ZMYM4: variants seen among roughly 807,000 people sequenced by gnomAD.
The protein encoded by ZMYM4 is zinc finger MYM-type containing 4.
In ZMYM4, 31 loss-of-function variants were observed where a neutral mutation model predicts 183.2. The ratio of observed to expected loss-of-function variants is 0.17; its 90% CI spans 0.13 to 0.23. ZMYM4 has a LOEUF of 0.23. Ranked by LOEUF, ZMYM4 falls within the 10% of genes least tolerant of loss-of-function variation. The pLI is 1.00. For synonymous variants in ZMYM4, 592 were observed against 631.2 expected (o/e 0.94, Z 0.93); for missense variants, 1,273 against 1,840.3 (o/e 0.69, Z 5.64).
At chr1:35,319,531 G>A (rs1469445113) in intron 1 of ZMYM4, among the ~76,000 whole-genome samples, 1 of 152,104 alleles carries the variant, frequency 6.6e-6, no homozygotes, top group African/African-American at 2.4e-5. Context: ...GTTGAGGTGG[G>A]AGGATCCCTT....
intron 2 of ZMYM4, among the ~76,000 whole-genome samples, chr1:35,331,742 G>A (rs12039387): frequency 0.033 from 4,920 of 151,332 alleles, 254 homozygotes; most frequent in East Asian, 0.25. Flanking sequence ...AGCCAAGATC[G>A]TGCCACCATA....
At chr1:35,370,170 A>G (rs990615423) in intron 6 of ZMYM4, 57 bp downstream of exon 6, 1 of 1,582,108 alleles carries the variant, frequency 6.3e-7, no homozygotes, top group Admixed American at 1.7e-5. Flanking sequence ...ATGAATGAGA[A>G]GAAATTCTGC....
At chr1:35,370,004 T>G in intron 5 of ZMYM4, 25 bp from the exon 6 acceptor site, 1 of 1,534,930 alleles carries the variant, frequency 6.5e-7, no homozygotes, top group Non-Finnish European at 9.0e-7. Context: ...CTCTATGTAT[T>G]TATTTATTTT....
chr1:35,400,530 A>T (rs1644889643), intron 23 of ZMYM4, among the ~76,000 whole-genome samples: 1 of 152,104 alleles, frequency 6.6e-6, no homozygotes, highest in African/African-American at 2.4e-5. Flanking sequence ...TAGTATAGTA[A>T]AATAGTGAAG....
intron 1 of ZMYM4, among the ~76,000 whole-genome samples, chr1:35,300,174 T>G (rs1429727355): frequency 1.3e-5 from 2 of 152,164 alleles, no homozygotes; most frequent in Admixed American, 6.5e-5. Context: ...AGCCCTTCTG[T>G]TACTTAGGTG....
chr1:35,299,162 C>T (rs1641158044), intron 1 of ZMYM4, among the ~76,000 whole-genome samples: 1 of 151,904 alleles, frequency 6.6e-6, no homozygotes, highest in African/African-American at 2.4e-5. Flanking sequence ...ACCACCACAC[C>T]TGGTGTAGTT....
intron 2 of ZMYM4, among the ~76,000 whole-genome samples, chr1:35,346,969 C>T (rs1027104491): frequency 2.0e-5 from 3 of 152,046 alleles, no homozygotes; most frequent in Non-Finnish European, 4.4e-5. Context: ...CAGAAATAGG[C>T]CCTGGATAAA....
intron 2 of ZMYM4, among the ~76,000 whole-genome samples, chr1:35,337,368 A>G (rs1643018758): frequency 6.6e-6 from 1 of 152,100 alleles, no homozygotes; most frequent in Non-Finnish European, 1.5e-5. Context: ...ACTCATATAT[A>G]TATGTATATA....
At chr1:35,403,412 A>G (rs537506195) in intron 23 of ZMYM4, among the ~76,000 whole-genome samples, 11 of 152,164 alleles carry the variant, frequency 7.2e-5, no homozygotes, top group Admixed American at 6.5e-5. Flanking sequence ...CAGCCTTCCA[A>G]GTAGCTGGGA....
intron 29 of ZMYM4, among the ~76,000 whole-genome samples, chr1:35,418,886 T>G (rs1640226143): frequency 6.6e-6 from 1 of 152,230 alleles, no homozygotes; most frequent in East Asian, 1.9e-4. Context: ...AGAAATTTTG[T>G]TTTGCTAAAG....
At chr1:35,301,420 C>T (rs761514084) in intron 1 of ZMYM4, among the ~76,000 whole-genome samples, 78 of 151,970 alleles carry the variant, frequency 5.1e-4, no homozygotes, top group Non-Finnish European at 9.9e-4. Flanking sequence ...GTGGCAGGTG[C>T]CTGTAGTCCC....
chr1:35,342,996 G>A (rs1410046680), intron 2 of ZMYM4, among the ~76,000 whole-genome samples: 3 of 152,044 alleles, frequency 2.0e-5, no homozygotes, highest in African/African-American at 7.2e-5. Flanking sequence ...GATTCTTCAT[G>A]TATACTAGTT....
In ZMYM4 at chr1:35,399,523, C is replaced by T. The variant is rs760077258; in HGVS notation, c.3475C>T (p.Arg1159Cys). Residue 1159 changes from arginine (R) to cysteine (C), a missense_variant, in exon 23 of 30, where the codon CGT becomes TGT. Transcript: ENST00000314607. ...PLNKGQGIQA[R>C]SRTRRRHRDG... ...TAATAAAGGACAGGGAATCCAGGCA[C>T]GTTCCCGAACAAGACGACGACACAG... 5.6e-6 allele frequency: 9 copies of T among 1,614,140 alleles called. No individual in the cohort carries two copies. The highest frequency in any genetic ancestry group is 4.5e-5 in the East Asian group (2 of 44,864).
At chr1:35,284,348 A>T (rs1640363723) in intron 1 of ZMYM4, among the ~76,000 whole-genome samples, 1 of 152,210 alleles carries the variant, frequency 6.6e-6, no homozygotes, top group Non-Finnish European at 1.5e-5. Context: ...ATCATATTTA[A>T]GATGCTATTG....
intron 5 of ZMYM4, among the ~76,000 whole-genome samples, chr1:35,368,027 G>T (rs1644128559): frequency 6.6e-6 from 1 of 151,382 alleles, no homozygotes; most frequent in African/African-American, 2.4e-5. Context: ...TAAGGCAGGG[G>T]TTGGCAAATT....
At chr1:35,404,826 T>C (rs1644972991) in intron 23 of ZMYM4, 197 bp from the exon 24 acceptor site, 1 of 478,872 alleles carries the variant, frequency 2.1e-6, no homozygotes, top group South Asian at 4.5e-5. Context: ...ATTTAAACTT[T>C]TTCTTTCTTC....
At chr1:35,400,389 T>C (rs955162022) in intron 23 of ZMYM4, 1 of 151,318 alleles carries the variant, frequency 6.6e-6, no homozygotes, top group Non-Finnish European at 1.5e-5. Context: ...TATTTTTTAG[T>C]AGAGACAGGG....
At chr1:35,346,666 A>G (rs542451492) in intron 2 of ZMYM4, among the ~76,000 whole-genome samples, 43 of 151,494 alleles carry the variant, frequency 2.8e-4, no homozygotes, top group East Asian at 9.7e-4. Context: ...AAAAAAAAAA[A>G]AAAAGAAAAA....
At chr1:35,380,865 G>T (rs1006095319) in intron 7 of ZMYM4, among the ~76,000 whole-genome samples, 3 of 152,084 alleles carry the variant, frequency 2.0e-5, no homozygotes, top group East Asian at 1.9e-4. Context: ...ACTTTTAAAA[G>T]ATACTAATTT....
Sources: gnomAD v4.1 joint callset for allele counts (sites outside exome capture counted in the v4.1 genomes callset) on GRCh38, gnomAD v4.1.1 for gene constraint, MANE v1.5 for transcripts, NCBI Gene and HGNC (gene_info 2026-07-23, HGNC 2026-07-21) for gene names.